FSHR: variants seen among roughly 807,000 people sequenced by gnomAD.
FSHR encodes follicle-stimulating hormone receptor.
A neutral mutation model predicts 52.1 loss-of-function variants in FSHR; 46 were observed. The ratio of observed to expected loss-of-function variants is 0.88; its 90% CI spans 0.70 to 1.13. FSHR has a LOEUF of 1.13. Among genes scored for constraint, FSHR ranks in the 50% most tolerant of loss-of-function variants. The pLI is 0.00. For missense variants in FSHR, 964 were observed against 834.6 expected, an observed-to-expected ratio of 1.16 and a Z score of -1.91; for synonymous variants, 399 against 309.6, an observed-to-expected ratio of 1.29 and a Z score of -3.03.
chr2:49,035,532 A>C (rs62162078), intron 2 of FSHR, among the ~76,000 whole-genome samples: 21,098 of 151,674 alleles, frequency 0.14, 1,486 homozygotes, highest in East Asian at 0.24. Flanking sequence ...CCTCCACTCC[A>C]CTCCAGCTTC....
At chr2:49,022,465 G>A (rs1423044759) in intron 2 of FSHR, among the ~76,000 whole-genome samples, 1 of 152,054 alleles carries the variant, frequency 6.6e-6, no homozygotes, top group Non-Finnish European at 1.5e-5. Flanking sequence ...GAGAAATTTA[G>A]ACATCTTATT....
chr2:49,102,106 A>C (rs1389240036), intron 1 of FSHR, among the ~76,000 whole-genome samples: 1 of 152,166 alleles, frequency 6.6e-6, no homozygotes, highest in East Asian at 1.9e-4. Flanking sequence ...TAATCAAGGG[A>C]AGCTAAGCAT....
At position 48,971,444 on chromosome 2, in the gene FSHR, C is replaced by A. The variant is rs566594735; in HGVS notation, c.669-2561G>T. On this transcript the variant is annotated intron_variant, in intron 8 of 9. Coordinates refer to ENST00000406846, the MANE Select transcript of FSHR (RefSeq NM_000145.4). ...TTCCTGGACATCAGTAAGATGACTTCCTCATTTGTTCCTCAAGTCCTAGGG... is the reference window on the plus strand; with the variant it reads ...TTCCTGGACATCAGTAAGATGACTTACTCATTTGTTCCTCAAGTCCTAGGG... Among the ~76,000 whole-genome samples, 10 of 152,308 alleles carry A rather than the reference C, an allele frequency of 6.6e-5. No individual in the cohort carries two copies. The East Asian group carries it at 1.9e-3, about 29-fold the overall frequency.
At chr2:49,081,154 A>G (rs1192952776) in intron 1 of FSHR, among the ~76,000 whole-genome samples, 1 of 152,104 alleles carries the variant, frequency 6.6e-6, no homozygotes, top group African/African-American at 2.4e-5. Context: ...ATAACAAATT[A>G]TCTTTTCAAT....
At chr2:49,009,153 G>C (rs980679759) in intron 4 of FSHR, among the ~76,000 whole-genome samples, 1 of 151,700 alleles carries the variant, frequency 6.6e-6, no homozygotes, top group Non-Finnish European at 1.5e-5. Context: ...GGTTTTTATG[G>C]TTTTAGGTCT....
At position 48,963,454 on chromosome 2, in the gene FSHR, G is replaced by A. The variant is rs1383894313; in HGVS notation, c.1367C>T (p.Ser456Leu). The A allele has an allele frequency of 1.2e-6, 2 of 1,613,974 alleles. No individual in the cohort carries two copies. Among genetic ancestry groups the A allele is most frequent in the Non-Finnish European group, 1.7e-6 (2 of 1,179,994 alleles). ...GFFTVFASEL[S>L]VYTLTAITLE... ...GGTGATAGCTGTCAGAGTGTAGACT[G>A]ACAGCTCACTGGCAAAGACAGTGAA... Residue 456 changes from serine (S) to leucine (L), a missense_variant, in exon 10 of 10, where the codon TCA becomes TTA. Coordinates refer to ENST00000406846, the MANE Select transcript of FSHR (RefSeq NM_000145.4).
chr2:49,109,081 G>T lies in FSHR; in HGVS notation c.153-40791C>A, dbSNP rs547141903. Among the ~76,000 whole-genome samples, 3 of 152,198 alleles carry T rather than the reference G, an allele frequency of 2.0e-5. No individual in the cohort carries two copies. The South Asian group carries it at 6.2e-4, about 32-fold the overall frequency. Reference sequence around the variant, plus strand: ...GCCTGGGATTCTGGGAATGAGACAGGAAAAGGTATGCAGGGAATATCTTGG... The same window carrying T: ...GCCTGGGATTCTGGGAATGAGACAGTAAAAGGTATGCAGGGAATATCTTGG... On this transcript the variant is annotated intron_variant, in intron 1 of 9. Coordinates refer to ENST00000406846, the MANE Select transcript of FSHR (RefSeq NM_000145.4).
chr2:48,971,503 A>C (rs1317889721), intron 8 of FSHR, among the ~76,000 whole-genome samples: 1 of 152,198 alleles, frequency 6.6e-6, no homozygotes, highest in East Asian at 1.9e-4. Flanking sequence ...TCTCTGGACT[A>C]CTGATCCCCT....
intron 8 of FSHR, among the ~76,000 whole-genome samples, chr2:48,974,939 C>A (rs970648050): frequency 6.6e-6 from 1 of 152,050 alleles, no homozygotes; most frequent in African/African-American, 2.4e-5. Flanking sequence ...GATTTTAATT[C>A]CTTTATGAAA....
intron 2 of FSHR, among the ~76,000 whole-genome samples, chr2:49,057,758 T>C (rs776095357): frequency 1.3e-5 from 2 of 152,174 alleles, no homozygotes; most frequent in Non-Finnish European, 2.9e-5. Context: ...ATGAAGATAG[T>C]TGCAGAATCC....
At chr2:49,018,901 A>C (rs1308077763) in intron 3 of FSHR, among the ~76,000 whole-genome samples, 1 of 152,204 alleles carries the variant, frequency 6.6e-6, no homozygotes, top group African/African-American at 2.4e-5. Context: ...TATTTGGCAA[A>C]TGATAAAAAT....
rs1004630295 is a variant in FSHR, at chr2:48,997,138, G to A, written c.375-6501C>T. Reference sequence around the variant, plus strand: ...AGGTTTAGAGACCCTGGGTTCCAGTGGTCTCTCTAGCTTCTGGATAACACC... The same window carrying A: ...AGGTTTAGAGACCCTGGGTTCCAGTAGTCTCTCTAGCTTCTGGATAACACC... On this transcript the variant is annotated intron_variant, in intron 4 of 9. Transcript: ENST00000406846. 3.8e-6 allele frequency: 3 copies of A among 788,196 alleles called. No homozygotes were observed. In the East Asian group the frequency reaches 3.8e-4, roughly 99 times the overall value. 48.8% of individuals were successfully genotyped at this position (788,196 alleles called of 1,614,324 possible).
chr2:48,986,739 T>A (rs1173143892), intron 6 of FSHR, among the ~76,000 whole-genome samples: 1 of 152,244 alleles, frequency 6.6e-6, no homozygotes, highest in African/African-American at 2.4e-5. Context: ...GCTTTGGGTT[T>A]GCAAAGCTAT....
At chr2:49,152,108 G>T (rs1464930094) in intron 1 of FSHR, among the ~76,000 whole-genome samples, 1 of 152,118 alleles carries the variant, frequency 6.6e-6, no homozygotes, top group African/African-American at 2.4e-5. Flanking sequence ...AGCTTCTAAA[G>T]CTCTTAACTA....
At chr2:49,115,233 C>G (rs1432160176) in intron 1 of FSHR, among the ~76,000 whole-genome samples, 1 of 151,706 alleles carries the variant, frequency 6.6e-6, no homozygotes, top group Non-Finnish European at 1.5e-5. Flanking sequence ...TTTGGACACA[C>G]TACCTTAATA....
At chr2:49,036,055 T>C (rs1558403512) in intron 2 of FSHR, among the ~76,000 whole-genome samples, 1 of 152,228 alleles carries the variant, frequency 6.6e-6, no homozygotes, top group Non-Finnish European at 1.5e-5. Context: ...TAGGTAGATA[T>C]AGATACTGTA....
chr2:49,117,425 T>C (rs1671644444), intron 1 of FSHR, among the ~76,000 whole-genome samples: 1 of 152,228 alleles, frequency 6.6e-6, no homozygotes, highest in Non-Finnish European at 1.5e-5. Flanking sequence ...GATGAAAAGT[T>C]GGACACAAAG....
chr2:49,061,659 CTA>C (rs1168553835), intron 2 of FSHR, among the ~76,000 whole-genome samples: 10 of 137,264 alleles, frequency 7.3e-5, no homozygotes, highest in Non-Finnish European at 1.6e-4. Context: ...CTATATATAA[CTA>C]TATATTTATA....
chr2:49,113,521 A>G (rs1671499364), intron 1 of FSHR, among the ~76,000 whole-genome samples: 1 of 152,238 alleles, frequency 6.6e-6, no homozygotes, highest in Non-Finnish European at 1.5e-5. Context: ...TCAGCAGGTT[A>G]GGAAACAAGA....
Sources: allele counts gnomAD v4.1 joint callset (sites outside exome capture counted in the v4.1 genomes callset), GRCh38; gene constraint gnomAD v4.1.1; transcripts MANE v1.5; gene names NCBI Gene and HGNC (gene_info 2026-07-23, HGNC 2026-07-21).